FAM184A: variants seen among roughly 807,000 people sequenced by gnomAD.
The protein encoded by FAM184A is protein FAM184A.
In FAM184A, 99 loss-of-function variants were observed where a neutral mutation model predicts 143.8. That is an observed-to-expected ratio of 0.69 (90% CI 0.58 to 0.81). The LOEUF (loss-of-function observed/expected upper bound fraction) is 0.81, where lower values mean the gene tolerates loss of function less well. Among genes scored for constraint, FAM184A ranks in the 40% least tolerant of loss-of-function variants. The pLI is 0.00. For missense variants in FAM184A, 1,217 were observed against 1,310.5 expected, an observed-to-expected ratio of 0.93 and a Z score of 1.10; for synonymous variants, 427 against 446.4, an observed-to-expected ratio of 0.96 and a Z score of 0.55.
chr6:119,053,865 C>T (rs140647439), intron 1 of FAM184A, among the ~76,000 whole-genome samples: 11 of 152,220 alleles, frequency 7.2e-5, no homozygotes, highest in Admixed American at 2.6e-4. Context: ...CTTAGAGAAG[C>T]GTCTGTGTTT....
At chr6:118,996,292 T>C (rs1319632221) in intron 9 of FAM184A, among the ~76,000 whole-genome samples, 4 of 152,170 alleles carry the variant, frequency 2.6e-5, no homozygotes, top group African/African-American at 7.2e-5. Flanking sequence ...AGTTTTTTGA[T>C]TGAAGAGAAA....
chr6:119,118,707 G>A (rs1281873401), intron 1 of FAM184A, among the ~76,000 whole-genome samples: 2 of 152,048 alleles, frequency 1.3e-5, no homozygotes, highest in African/African-American at 2.4e-5. Flanking sequence ...ATTTTCGTAA[G>A]CTGAGGAGGA....
intron 1 of FAM184A, among the ~76,000 whole-genome samples, chr6:119,034,768 G>A (rs1786047547): frequency 6.6e-6 from 1 of 152,042 alleles, no homozygotes. Context: ...ACTGCTTACA[G>A]TATCTAATAC....
At chr6:118,998,288 T>C (rs775718315) in intron 9 of FAM184A, among the ~76,000 whole-genome samples, 8 of 152,238 alleles carry the variant, frequency 5.3e-5, no homozygotes, top group Non-Finnish European at 7.3e-5. Flanking sequence ...CAGGTCCTAA[T>C]TGGGCAGAAT....
At chr6:119,087,381 A>G (rs1031609434) in intron 1 of FAM184A, among the ~76,000 whole-genome samples, 1 of 152,230 alleles carries the variant, frequency 6.6e-6, no homozygotes, top group African/African-American at 2.4e-5. Context: ...AAGAATTTCT[A>G]AAACTCAACA....
In FAM184A at chr6:119,024,299, A is replaced by T. The variant is rs377741325; in HGVS notation, c.674T>A (p.Met225Lys). 6.2e-7 allele frequency: 1 copy of T among 1,613,996 alleles called. No individual in the cohort carries two copies. The highest frequency in any genetic ancestry group is 8.5e-7 in the Non-Finnish European group (1 of 1,180,026). The change falls in exon 2 of 18, where the codon ATG becomes AAG. Residue 225 changes from methionine (M) to lysine (K), a missense_variant. Transcript: ENST00000338891. ...GQEKAEELHR[M>K]EVESLNKMLE... ...CATTTTGTTTAGGGACTCCACCTCC[A>T]TTCTGTGTAGTTCCTCTGCCTTTTC...
intron 1 of FAM184A, among the ~76,000 whole-genome samples, chr6:119,094,738 C>T (rs1788460293): frequency 6.7e-6 from 1 of 149,848 alleles, no homozygotes; most frequent in South Asian, 2.1e-4. Context: ...AAGGAGTAAG[C>T]TTACTGAGAG....
intron 1 of FAM184A, among the ~76,000 whole-genome samples, chr6:119,148,136 T>G (rs547525789): frequency 2.0e-4 from 30 of 152,092 alleles, no homozygotes; most frequent in African/African-American, 6.5e-4. Flanking sequence ...CAACTTCTCC[T>G]ATATGGACAA....
chr6:119,080,496 G>C (rs543316257), upstream of FAM184A, among the ~76,000 whole-genome samples: 1 of 152,052 alleles, frequency 6.6e-6, no homozygotes, highest in Non-Finnish European at 1.5e-5. Flanking sequence ...TTTTCCCCAC[G>C]ACAATGGGAT....
In FAM184A at chr6:119,024,502, T is replaced by A. The variant is rs549273244; in HGVS notation, c.471A>T (p.Glu157Asp). 6.2e-7 allele frequency: 1 copy of A among 1,613,628 alleles called. No homozygotes were observed. The highest frequency in any genetic ancestry group is 8.5e-7 in the Non-Finnish European group (1 of 1,179,856). Residue 157 changes from glutamate (E) to aspartate (D), a missense_variant, in exon 2 of 18, where the codon GAA becomes GAT. Coordinates refer to ENST00000338891, the MANE Select transcript of FAM184A (RefSeq NM_024581.6). ...CAAATTTCCTTCTAATCTCTTCGACTTCTCTAGACATGGTCACTATGCGTT... is the reference window on the plus strand; with the variant it reads ...CAAATTTCCTTCTAATCTCTTCGACATCTCTAGACATGGTCACTATGCGTT... ...HVQRIVTMSR[E>D]VEEIRRKFEE...
intron 9 of FAM184A, among the ~76,000 whole-genome samples, chr6:118,999,876 T>C (rs1231225663): frequency 2.6e-5 from 4 of 152,210 alleles, no homozygotes; most frequent in African/African-American, 7.2e-5. Context: ...CAACACATCA[T>C]TACTCAGTAC....
intron 1 of FAM184A, among the ~76,000 whole-genome samples, chr6:119,089,749 T>C (rs1788322295): frequency 6.6e-6 from 1 of 152,256 alleles, no homozygotes; most frequent in Non-Finnish European, 1.5e-5. Context: ...CTTGTTTCTT[T>C]AGATAAGTGG....
At chr6:119,060,095 A>G (rs1017820678) in intron 1 of FAM184A, among the ~76,000 whole-genome samples, 3 of 152,194 alleles carry the variant, frequency 2.0e-5, no homozygotes, top group Non-Finnish European at 4.4e-5. Context: ...CTTCGAGATT[A>G]AAGTTTAGAT....
intron 1 of FAM184A, among the ~76,000 whole-genome samples, chr6:119,138,617 A>G (rs2114886971): frequency 6.7e-6 from 1 of 149,414 alleles, no homozygotes; most frequent in South Asian, 2.1e-4. Context: ...TATTATTATT[A>G]TTATTATTAT....
chr6:119,112,188 A>G lies in FAM184A; in HGVS notation c.-202+36890T>C, dbSNP rs185517072. On this transcript the variant is annotated intron_variant, in intron 1 of 16. Coordinates refer to the FAM184A transcript ENST00000352896. ...CTCTTGTTGCCCAGGCTGGAGTGCA[A>G]TGGCGCAATCTCGGCTCATCACAAC... is the stretch of plus-strand genomic sequence containing the variant. Among the ~76,000 whole-genome samples the G allele has an allele frequency of 8.0e-3, 1,210 of 151,070 alleles. 15 individuals are homozygous for G. Among genetic ancestry groups the G allele is most frequent in the African/African-American group, 0.028 (1,137 of 41,098 alleles).
At chr6:119,146,684 C>T (rs980435976) in intron 1 of FAM184A, among the ~76,000 whole-genome samples, 2 of 152,048 alleles carry the variant, frequency 1.3e-5, no homozygotes, top group South Asian at 4.2e-4. Context: ...CCAATTGGCT[C>T]ATATGAATTT....
chr6:119,080,799 G>T (rs1436729024), upstream of FAM184A, among the ~76,000 whole-genome samples: 2 of 152,076 alleles, frequency 1.3e-5, no homozygotes, highest in Non-Finnish European at 2.9e-5. Flanking sequence ...TGCTCGGTTG[G>T]TAAGACACCC....
intron 1 of FAM184A, among the ~76,000 whole-genome samples, chr6:119,129,771 CTA>C (rs1411738522): frequency 1.3e-5 from 2 of 151,986 alleles, no homozygotes; most frequent in East Asian, 1.9e-4. Context: ...GCATAAAAGA[CTA>C]TTTTTTAGAG....
chr6:118,991,163 ATT>A (rs527696839), intron 9 of FAM184A, among the ~76,000 whole-genome samples: 5 of 145,292 alleles, frequency 3.4e-5, no homozygotes, highest in Admixed American at 1.4e-4. Context: ...TTATTTTTTA[ATT>A]TTTTTTTTTT....
Sources: allele counts gnomAD v4.1 joint callset (sites outside exome capture counted in the v4.1 genomes callset), GRCh38; gene constraint gnomAD v4.1.1; transcripts MANE v1.5; gene names NCBI Gene and HGNC (gene_info 2026-07-23, HGNC 2026-07-21).